SLC9A9: variants seen among roughly 807,000 people sequenced by gnomAD.
SLC9A9 encodes solute carrier family 9 member A9, also known as sodium/hydrogen exchanger 9.
Under a neutral mutation model 77.8 loss-of-function variants are expected in SLC9A9, and 62 were observed. The observed-to-expected ratio is 0.80, with a 90% confidence interval of 0.65 to 0.98. The LOEUF is 0.98. Ranked by LOEUF, SLC9A9 falls within the 50% of genes least tolerant of loss-of-function variation. The pLI, the probability that SLC9A9 is intolerant of heterozygous loss-of-function variation, is 0.00. For synonymous variants in SLC9A9, 320 were observed against 283.5 expected, an observed-to-expected ratio of 1.13 and a Z score of -1.29; for missense variants, 775 against 774.9, an observed-to-expected ratio of 1.00 and a Z score of 0.00.
chr3:143,762,412 G>C (rs907653111), intron 4 of SLC9A9, among the ~76,000 whole-genome samples: 1 of 152,034 alleles, frequency 6.6e-6, no homozygotes, highest in East Asian at 1.9e-4. Flanking sequence ...AATGGTATTT[G>C]GGTTATTTTG....
At chr3:143,525,498 G>A (rs2036388584) in intron 9 of SLC9A9, among the ~76,000 whole-genome samples, 1 of 152,182 alleles carries the variant, frequency 6.6e-6, no homozygotes, top group South Asian at 2.1e-4. Context: ...CTAGAAAGTG[G>A]AGGTAGCATA....
chr3:143,355,582 T>G (rs1160824008), intron 14 of SLC9A9, among the ~76,000 whole-genome samples: 3 of 152,226 alleles, frequency 2.0e-5, no homozygotes, highest in Non-Finnish European at 4.4e-5. Flanking sequence ...TTCCGTTTGA[T>G]AAAAACCAAC....
At chr3:143,335,460 A>C (rs1402083773) in intron 14 of SLC9A9, among the ~76,000 whole-genome samples, 2 of 152,228 alleles carry the variant, frequency 1.3e-5, no homozygotes, top group African/African-American at 4.8e-5. Flanking sequence ...CCTGAATATC[A>C]AAACATTCTT....
chr3:143,477,347 TC>T lies in SLC9A9; in HGVS notation c.1316-10158del, dbSNP rs1553758985. Among the ~76,000 whole-genome samples the T allele has an allele frequency of 1.8e-4, 19 of 103,080 alleles. No homozygotes were observed. In the East Asian group the frequency reaches 4.3e-3, roughly 23 times the overall value. The allele number at this position is 103,080 out of a possible 152,430, so 67.6% of individuals were successfully genotyped here. On this transcript the variant is annotated intron_variant, in intron 11 of 15. Transcript: ENST00000316549. ...CTTCTTCAATTTTTTTTTTTTTTTTTCCCCCTCCCCCCGCCGCCCCCTCCCG... is the reference window on the plus strand; with the variant it reads ...CTTCTTCAATTTTTTTTTTTTTTTTTCCCCTCCCCCCGCCGCCCCCTCCCG...
chr3:143,277,416 A>C lies in SLC9A9; in HGVS notation c.1605-8436T>G, dbSNP rs553073111. Among the ~76,000 whole-genome samples, 9 of 152,316 alleles carry C rather than the reference A, an allele frequency of 5.9e-5. No individual in the cohort carries two copies. In the South Asian group the frequency reaches 1.7e-3, roughly 28 times the overall value. On this transcript the variant is annotated intron_variant, in intron 14 of 15. Transcript: ENST00000316549. ...AATCTGCATTTCAACAATGCTCTGAAAACCACTGGAGCAGAATGGTATCTG... is the reference window on the plus strand; with the variant it reads ...AATCTGCATTTCAACAATGCTCTGACAACCACTGGAGCAGAATGGTATCTG...
chr3:143,686,223 G>T (rs764402929), intron 5 of SLC9A9, among the ~76,000 whole-genome samples: 1 of 152,032 alleles, frequency 6.6e-6, no homozygotes, highest in Non-Finnish European at 1.5e-5. Context: ...GATTTAACAG[G>T]TATTTATTAA....
chr3:143,337,530 C>A lies in SLC9A9; in HGVS notation c.1604+25954G>T, dbSNP rs149349000. 2.5e-3 allele frequency among the ~76,000 whole-genome samples: 381 copies of A among 152,328 alleles called. 3 individuals are homozygous for A. The highest frequency in any genetic ancestry group is 8.7e-3 in the African/African-American group (362 of 41,574). ...TGAATCTGGCAGAGCAGCTCCTTCA[C>A]AGGACTGTGGACTTTCCCAGAGCTT... On this transcript the variant is annotated intron_variant, in intron 14 of 15. Transcript: ENST00000316549.
intron 14 of SLC9A9, among the ~76,000 whole-genome samples, chr3:143,280,843 G>A (rs1018154002): frequency 3.3e-5 from 5 of 152,112 alleles, no homozygotes; most frequent in Admixed American, 3.3e-4. Flanking sequence ...ATGAGCTACC[G>A]CGCCTAGCCA....
chr3:143,607,706 A>C (rs1479534788), intron 6 of SLC9A9, among the ~76,000 whole-genome samples: 3 of 152,034 alleles, frequency 2.0e-5, no homozygotes, highest in Admixed American at 2.0e-4. Flanking sequence ...GAATTCAATA[A>C]TCAATCCAAA....
At chr3:143,696,419 GCA>G (rs2108785202) in intron 4 of SLC9A9, among the ~76,000 whole-genome samples, 1 of 152,260 alleles carries the variant, frequency 6.6e-6, no homozygotes, top group South Asian at 2.1e-4. Flanking sequence ...CCCTCATGGG[GCA>G]CACAGTTTAG....
chr3:143,566,924 G>T (rs897764953), intron 8 of SLC9A9, among the ~76,000 whole-genome samples: 1 of 152,026 alleles, frequency 6.6e-6, no homozygotes, highest in Non-Finnish European at 1.5e-5. Context: ...TGTGCTTTTC[G>T]GTTATCTTTA....
intron 14 of SLC9A9, among the ~76,000 whole-genome samples, chr3:143,346,808 C>G (rs539072223): frequency 1.3e-5 from 2 of 151,802 alleles, no homozygotes; most frequent in Admixed American, 6.6e-5. Context: ...AAACAAAAAC[C>G]AAAAGTTTGG....
intron 9 of SLC9A9, among the ~76,000 whole-genome samples, chr3:143,541,595 T>C (rs894262816): frequency 6.6e-6 from 1 of 152,052 alleles, no homozygotes; most frequent in Non-Finnish European, 1.5e-5. Context: ...TAGAGGCAGG[T>C]GCTGTGTATT....
At chr3:143,504,286 A>G in intron 9 of SLC9A9, 1 of 226,178 alleles carries the variant, frequency 4.4e-6, no homozygotes, top group South Asian at 6.6e-5. Context: ...TGTCTCAGGG[A>G]TGTGGCTGGG....
At chr3:143,566,343 G>A (rs2037168747) in intron 8 of SLC9A9, among the ~76,000 whole-genome samples, 1 of 152,148 alleles carries the variant, frequency 6.6e-6, no homozygotes, top group Non-Finnish European at 1.5e-5. Context: ...GGAAGGGATT[G>A]AGATGATTTA....
intron 4 of SLC9A9, among the ~76,000 whole-genome samples, chr3:143,749,063 T>C (rs1036854506): frequency 3.9e-5 from 6 of 152,188 alleles, no homozygotes; most frequent in Non-Finnish European, 8.8e-5. Flanking sequence ...TTTTGCTTCA[T>C]GAATAATACT....
chr3:143,802,369 C>A (rs2008587027), intron 2 of SLC9A9, among the ~76,000 whole-genome samples: 1 of 152,194 alleles, frequency 6.6e-6, no homozygotes, highest in Non-Finnish European at 1.5e-5. Flanking sequence ...TCTACTACCC[C>A]TCAGGGATTG....
chr3:143,297,545 G>T (rs539475667), intron 14 of SLC9A9, among the ~76,000 whole-genome samples: 163 of 152,070 alleles, frequency 1.1e-3, no homozygotes, highest in Non-Finnish European at 1.5e-3. Flanking sequence ...TATGAATTTT[G>T]GGATTGCCTT....
intron 9 of SLC9A9, among the ~76,000 whole-genome samples, chr3:143,525,679 C>T (rs1157436395): frequency 6.6e-6 from 1 of 152,180 alleles, no homozygotes; most frequent in Non-Finnish European, 1.5e-5. Flanking sequence ...AAACATGCCC[C>T]TTCACTTAGA....
Sources: allele counts gnomAD v4.1 joint callset (sites outside exome capture counted in the v4.1 genomes callset), GRCh38; gene constraint gnomAD v4.1.1; transcripts MANE v1.5; gene names NCBI Gene and HGNC (gene_info 2026-07-23, HGNC 2026-07-21).